The following BBS9 variants were observed in gnomAD, a reference collection of about 807,000 sequenced individuals.
The protein encoded by BBS9 is protein PTHB1.
Under a neutral mutation model 117.7 loss-of-function variants are expected in BBS9, and 89 were observed. The ratio of observed to expected loss-of-function variants is 0.76; its 90% CI spans 0.64 to 0.90. The LOEUF (loss-of-function observed/expected upper bound fraction) is 0.90. BBS9 is among the 40% of genes least tolerant of loss of function. BBS9 has a pLI of 0.00. For synonymous variants in BBS9, 379 were observed against 370.9 expected, an observed-to-expected ratio of 1.02 and a Z score of -0.25; for missense variants, 982 against 1,042.2, an observed-to-expected ratio of 0.94 and a Z score of 0.80.
At chr7:33,493,131 A>G (rs1034240511) in intron 19 of BBS9, among the ~76,000 whole-genome samples, 1 of 151,976 alleles carries the variant, frequency 6.6e-6, no homozygotes, top group Non-Finnish European at 1.5e-5. Flanking sequence ...AGTAGCTGAG[A>G]TTACAGGCAT....
rs141118560 is a variant in BBS9 at position 33,616,755 on chromosome 7, C to G, written c.2522-18422C>G. ...TAGGGAGTAAAGTGCAGTTTTGTTA[C>G]ATGGATATATTGCATAGTGAATGAA... On this transcript the variant is annotated intron_variant, in intron 21 of 21. Transcript: ENST00000671952. Among the ~76,000 whole-genome samples, 799 of 151,512 alleles carry G rather than the reference C, an allele frequency of 5.3e-3. 7 individuals carry two copies. Among genetic ancestry groups the G allele is most frequent in the African/African-American group, 0.019 (781 of 41,358 alleles).
At chr7:33,445,247 G>A (rs893232326) in intron 19 of BBS9, among the ~76,000 whole-genome samples, 7 of 152,140 alleles carry the variant, frequency 4.6e-5, no homozygotes, top group Admixed American at 2.0e-4. Context: ...AAATGCTAGC[G>A]GAGATTGAAC....
chr7:33,375,158 A>G (rs946330855), intron 17 of BBS9, among the ~76,000 whole-genome samples: 1 of 152,102 alleles, frequency 6.6e-6, no homozygotes, highest in Non-Finnish European at 1.5e-5. Flanking sequence ...CTCCATTTGT[A>G]ATAGAGTGTT....
chr7:33,572,265 A>G (rs1027285596), intron 21 of BBS9, among the ~76,000 whole-genome samples: 1 of 152,138 alleles, frequency 6.6e-6, no homozygotes, highest in Non-Finnish European at 1.5e-5. Flanking sequence ...ATGTTATTAC[A>G]AAGGAAAGGA....
intron 21 of BBS9, among the ~76,000 whole-genome samples, chr7:33,585,452 G>C (rs751400281): frequency 6.6e-6 from 1 of 151,964 alleles, no homozygotes; most frequent in Non-Finnish European, 1.5e-5. Context: ...GTTTAGACTT[G>C]AATTTTGGAA....
intron 19 of BBS9, among the ~76,000 whole-genome samples, chr7:33,408,878 T>C (rs1302392681): frequency 1.3e-5 from 2 of 152,234 alleles, no homozygotes; most frequent in Admixed American, 1.3e-4. Flanking sequence ...CTGTTATTTT[T>C]TGACTTTTTA....
At chr7:33,412,057 T>C (rs1480751598) in intron 19 of BBS9, among the ~76,000 whole-genome samples, 1 of 152,172 alleles carries the variant, frequency 6.6e-6, no homozygotes, top group Non-Finnish European at 1.5e-5. Context: ...AAATGTATTA[T>C]GTGAAAATCA....
At chr7:33,294,846 A>C (rs1249426269) in intron 9 of BBS9, among the ~76,000 whole-genome samples, 1 of 152,220 alleles carries the variant, frequency 6.6e-6, no homozygotes, top group African/African-American at 2.4e-5. Context: ...AAGTTATGCT[A>C]TGATATTCTG....
intron 21 of BBS9, among the ~76,000 whole-genome samples, chr7:33,629,778 GA>G (rs1865800939): frequency 6.6e-6 from 1 of 152,178 alleles, no homozygotes; most frequent in African/African-American, 2.4e-5. Flanking sequence ...GCATTTCTGT[GA>G]AACCATGTAT....
intron 5 of BBS9, among the ~76,000 whole-genome samples, chr7:33,250,468 G>C (rs552936559): frequency 6.6e-6 from 1 of 152,256 alleles, no homozygotes; most frequent in East Asian, 1.9e-4. Flanking sequence ...TTTTGTGAAG[G>C]CTTCCTGTTG....
At chr7:33,131,244 G>C (rs541343208) in intron 1 of BBS9, among the ~76,000 whole-genome samples, 1 of 152,184 alleles carries the variant, frequency 6.6e-6, no homozygotes, top group Admixed American at 6.5e-5. Context: ...TTCTACTGTT[G>C]GGTTATTACT....
intron 12 of BBS9, among the ~76,000 whole-genome samples, chr7:33,347,832 A>G (rs1443804131): frequency 6.6e-6 from 1 of 151,938 alleles, no homozygotes; most frequent in Non-Finnish European, 1.5e-5. Flanking sequence ...ATGGTCCTTG[A>G]ATTATGTTAA....
chr7:33,219,119 G>T lies in BBS9; in HGVS notation c.443-38117G>T, dbSNP rs1269044736. On this transcript the variant is annotated intron_variant, in intron 5 of 22. Coordinates refer to ENST00000242067, the MANE Select transcript of BBS9 (RefSeq NM_198428.3). ...GGGCAATGAGGGGCTTAGCACCCAG[G>T]CCAGCAGCTGCGGAGGGTATACTGG... Among the ~76,000 whole-genome samples the T allele has an allele frequency of 2.6e-5, 4 of 152,236 alleles. No homozygotes were observed. The East Asian group carries it at 7.7e-4, about 29-fold the overall frequency.
chr7:33,616,493 G>A (rs78165991), intron 21 of BBS9, among the ~76,000 whole-genome samples: 2,589 of 136,054 alleles, frequency 0.019, 77 homozygotes, highest in African/African-American at 0.058. Context: ...GTGTGTGTGT[G>A]TATATATATA....
At chr7:33,260,491 A>G (rs747595213) in intron 6 of BBS9, among the ~76,000 whole-genome samples, 19 of 152,190 alleles carry the variant, frequency 1.2e-4, no homozygotes, top group Non-Finnish European at 2.8e-4. Flanking sequence ...GCCTTCTTGT[A>G]CTGACATTTT....
chr7:33,415,905 G>C (rs1241366687), intron 19 of BBS9, among the ~76,000 whole-genome samples: 1 of 152,030 alleles, frequency 6.6e-6, no homozygotes. Flanking sequence ...TGCAATCTTG[G>C]CTCGCTGCAG....
rs191331754 is a variant in BBS9 at position 33,385,722 on chromosome 7, A to T, written c.1962+1884A>T. 1.1e-4 allele frequency among the ~76,000 whole-genome samples: 16 copies of T among 152,198 alleles called. No individual in the cohort carries two copies. In the East Asian group the frequency reaches 2.9e-3, roughly 27 times the overall value. ...GAATGAATTATTGATAATTAGGTTA[A>T]TGTCCTTTTAAAAACTTTATTTTAA... On this transcript the variant is annotated intron_variant, in intron 18 of 22. Transcript: ENST00000242067.
chr7:33,465,321 G>A lies in BBS9; in HGVS notation c.2116-40142G>A, dbSNP rs192877885. On this transcript the variant is annotated intron_variant, in intron 19 of 22. Transcript: ENST00000242067. ...CATGAGGCATATTTATTTTATGATC[G>A]TGTAAAATTTCCCAATGCAGATCTC... 4.0e-5 allele frequency among the ~76,000 whole-genome samples: 6 copies of A among 149,522 alleles called. 1 individual carries two copies. The East Asian group carries it at 5.9e-4, about 15-fold the overall frequency.
chr7:33,214,997 C>A (rs765314464), intron 5 of BBS9, among the ~76,000 whole-genome samples: 3 of 152,162 alleles, frequency 2.0e-5, no homozygotes, highest in Non-Finnish European at 4.4e-5. Flanking sequence ...TCGAGGCCAT[C>A]CTGGCTAACA....
Sources: gnomAD v4.1 joint callset for allele counts (sites outside exome capture counted in the v4.1 genomes callset) on GRCh38, gnomAD v4.1.1 for gene constraint, MANE v1.5 for transcripts, NCBI Gene and HGNC (gene_info 2026-07-23, HGNC 2026-07-21) for gene names.